Variants in GABRG3 observed in about 807,000 individuals in gnomAD.
The protein encoded by GABRG3 is gamma-aminobutyric acid receptor subunit gamma-3.
A neutral mutation model predicts 48.8 loss-of-function variants in GABRG3; 25 were observed. The ratio of observed to expected loss-of-function variants is 0.51; its 90% CI spans 0.37 to 0.72. The LOEUF is 0.72. GABRG3 is among the 30% of genes least tolerant of loss of function. GABRG3 has a pLI of 0.00. For synonymous variants in GABRG3, 227 were observed against 217.6 expected, an observed-to-expected ratio of 1.04 and a Z score of -0.38; for missense variants, 394 against 577.9, an observed-to-expected ratio of 0.68 and a Z score of 3.26.
chr15:27,094,501 A>G (rs528493511), intron 3 of GABRG3, among the ~76,000 whole-genome samples: 3 of 152,292 alleles, frequency 2.0e-5, no homozygotes, highest in Admixed American at 2.0e-4. Flanking sequence ...GGCCATACAG[A>G]TGGGATTGAC....
intron 3 of GABRG3, among the ~76,000 whole-genome samples, chr15:27,118,773 C>G (rs570922762): frequency 1.5e-4 from 23 of 152,312 alleles, no homozygotes; most frequent in African/African-American, 5.3e-4. Context: ...ATTATTAGGA[C>G]TTTCTGGGTT....
chr15:27,327,471 C>T (rs1893654791), intron 4 of GABRG3, among the ~76,000 whole-genome samples: 1 of 152,096 alleles, frequency 6.6e-6, no homozygotes, highest in South Asian at 2.1e-4. Flanking sequence ...GGGAAGTCTT[C>T]GAAGAAACCC....
Position 27,331,109 on chromosome 15 carries a change from G to A in GABRG3, c.574+2221G>A, listed in dbSNP as rs182014757. Among the ~76,000 whole-genome samples the A allele has an allele frequency of 3.7e-3, 568 of 152,296 alleles. 3 individuals carry two copies. Among genetic ancestry groups the A allele is most frequent in the Middle Eastern group, 0.02 (6 of 294 alleles). ...TGGCAACCTTAAATGCAGTGGGGAT[G>A]TGGGGCAACAGGAACTCTCACTCAT... On this transcript the variant is annotated intron_variant, in intron 5 of 9. Coordinates refer to ENST00000615808, the MANE Select transcript of GABRG3 (RefSeq NM_033223.5).
chr15:27,192,057 ACT>A (rs924648534), intron 3 of GABRG3, among the ~76,000 whole-genome samples: 14 of 151,216 alleles, frequency 9.3e-5, no homozygotes, highest in Non-Finnish European at 1.6e-4. Flanking sequence ...ATTGGCCCCC[ACT>A]CTCTTCTGGC....
At position 27,297,819 on chromosome 15, in the gene GABRG3, A is replaced by G. The variant is rs187198301; in HGVS notation, c.271-28990A>G. ...TTGTAACATATGTAAGTTTTATACT[A>G]TAACAATAATAGCACAGAAAATTGG... On this transcript the variant is annotated intron_variant, in intron 3 of 9. Coordinates refer to ENST00000615808, the MANE Select transcript of GABRG3 (RefSeq NM_033223.5). Among the ~76,000 whole-genome samples the G allele has an allele frequency of 8.6e-4, 131 of 152,302 alleles. 3 individuals are homozygous for G. The East Asian group carries it at 0.025, about 29-fold the overall frequency.
In GABRG3 at chr15:26,977,097, T is replaced by C. The variant is rs371403760; in HGVS notation, c.149T>C (p.Ile50Thr). 5.6e-6 allele frequency: 9 copies of C among 1,613,906 alleles called. No individual in the cohort carries two copies. The highest frequency in any genetic ancestry group is 1.3e-5 in the African/African-American group (1 of 74,942). Reference protein sequence around the residue: ...PKSQDTDVTLILNKLLREYDK... With the variant: ...PKSQDTDVTLTLNKLLREYDK... The stretch of plus-strand genomic sequence containing the variant: ...TCCCAAGACACCGACGTGACTCTTA[T>C]TCTCAACAAGTTGCTAAGAGAATAT... The change falls in exon 2 of 10, where the codon ATT becomes ACT. Residue 50 changes from isoleucine (I) to threonine (T), a missense_variant. Physicochemically the swap from Ile to Thr is moderately conservative, Grantham distance 89. Transcript: ENST00000615808.
intron 3 of GABRG3, among the ~76,000 whole-genome samples, chr15:27,054,605 C>T (rs1039255932): frequency 1.3e-5 from 2 of 152,118 alleles, no homozygotes; most frequent in African/African-American, 2.4e-5. Context: ...TTTTGTGGTG[C>T]CGCCCTGACT....
rs533848820 is a variant in GABRG3, at chr15:27,112,235, G to C, written c.270+85414G>C. 5.3e-5 allele frequency among the ~76,000 whole-genome samples: 8 copies of C among 152,104 alleles called. No homozygotes were observed. In the East Asian group the frequency reaches 1.4e-3, roughly 26 times the overall value. On this transcript the variant is annotated intron_variant, in intron 3 of 9. Transcript: ENST00000615808. ...ATGAACCCATCTCTCCACATTTTAG[G>C]GTAACAGTGTTTTCCGGTGACTTCA... is the stretch of plus-strand genomic sequence containing the variant.
intron 2 of GABRG3, among the ~76,000 whole-genome samples, chr15:27,004,435 C>G (rs1262236506): frequency 2.6e-5 from 4 of 151,534 alleles, no homozygotes; most frequent in African/African-American, 9.7e-5. Flanking sequence ...GGGATGGCGG[C>G]CGGGCAGAGA....
chr15:27,518,505 A>G (rs1891083200), intron 6 of GABRG3, among the ~76,000 whole-genome samples: 2 of 152,228 alleles, frequency 1.3e-5, no homozygotes, highest in Non-Finnish European at 2.9e-5. Context: ...TTTAAGATAG[A>G]TATTGTACCA....
At chr15:27,145,665 T>TATCTATCTATCTATCTATCTATCTATC (rs57021410) in intron 3 of GABRG3, among the ~76,000 whole-genome samples, 1 of 138,356 alleles carries the variant, frequency 7.2e-6, no homozygotes, top group African/African-American at 3.0e-5. Flanking sequence ...ATCTATCTAT[T>TATCTATCTATCTATCTATCTATCTATC]GTGCCAGAAG....
chr15:27,430,818 C>T (rs573444915), intron 5 of GABRG3, among the ~76,000 whole-genome samples: 6 of 151,632 alleles, frequency 4.0e-5, no homozygotes, highest in Admixed American at 6.6e-5. Context: ...GCCGAAACCC[C>T]GTCTCTACTA....
At chr15:27,314,464 G>C (rs1003022959) in intron 3 of GABRG3, among the ~76,000 whole-genome samples, 3 of 152,158 alleles carry the variant, frequency 2.0e-5, no homozygotes, top group Non-Finnish European at 4.4e-5. Flanking sequence ...ACCCTTGGGG[G>C]AATGCAGAAT....
At chr15:27,478,056 A>G (rs1595781617) in intron 5 of GABRG3, among the ~76,000 whole-genome samples, 1 of 150,746 alleles carries the variant, frequency 6.6e-6, no homozygotes, top group African/African-American at 2.5e-5. Context: ...CACAAAAAAA[A>G]AAAAAAGAAA....
At chr15:27,414,233 T>C (rs767019361) in intron 5 of GABRG3, among the ~76,000 whole-genome samples, 1 of 152,228 alleles carries the variant, frequency 6.6e-6, no homozygotes, top group Non-Finnish European at 1.5e-5. Flanking sequence ...CATGTTATCT[T>C]TCTGGTTCAT....
At chr15:27,382,573 T>C (rs531380186) in intron 5 of GABRG3, among the ~76,000 whole-genome samples, 1 of 152,322 alleles carries the variant, frequency 6.6e-6, no homozygotes, top group Admixed American at 6.5e-5. Flanking sequence ...ACTTGATTCA[T>C]GCTTTGAAAG....
intron 3 of GABRG3, among the ~76,000 whole-genome samples, chr15:27,289,782 G>A (rs1891737606): frequency 6.6e-6 from 1 of 152,114 alleles, no homozygotes; most frequent in Admixed American, 6.6e-5. Context: ...TTTATAGTTG[G>A]AGACATCAGT....
chr15:26,997,701 A>G (rs1024759324), intron 2 of GABRG3, among the ~76,000 whole-genome samples: 1 of 152,170 alleles, frequency 6.6e-6, no homozygotes, highest in Non-Finnish European at 1.5e-5. Flanking sequence ...AAGTCATTTT[A>G]GACAGTTAGA....
chr15:27,393,210 G>A (rs1038536158), intron 5 of GABRG3, among the ~76,000 whole-genome samples: 1 of 151,970 alleles, frequency 6.6e-6, no homozygotes, highest in African/African-American at 2.4e-5. Flanking sequence ...CAGGCGTGGT[G>A]GCGGGTGCCT....
Sources: gnomAD v4.1 joint callset for allele counts (sites outside exome capture counted in the v4.1 genomes callset) on GRCh38, gnomAD v4.1.1 for gene constraint, MANE v1.5 for transcripts, NCBI Gene and HGNC (gene_info 2026-07-23, HGNC 2026-07-21) for gene names.